Variants in PFKFB3 observed in about 807,000 individuals in gnomAD.
PFKFB3 encodes 6-phosphofructo-2-kinase/fructose-2,6-biphosphatase 3.
Under a neutral mutation model 68.0 loss-of-function variants are expected in PFKFB3, and 33 were observed. That is an observed-to-expected ratio of 0.49 (90% CI 0.37 to 0.65). The LOEUF (loss-of-function observed/expected upper bound fraction) is 0.65, where lower values mean the gene tolerates loss of function less well. Ranked by LOEUF, PFKFB3 falls within the 30% of genes least tolerant of loss-of-function variation. The probability of loss-of-function intolerance (pLI) is 0.00; values close to 1 mark genes in which losing one functional copy is unlikely to be tolerated. For missense variants in PFKFB3, 586 were observed against 712.2 expected (o/e 0.82, Z 2.02); for synonymous variants, 315 against 288.2 (o/e 1.09, Z -0.94).
At chr10:6,237,969 A>G (rs1476100587), downstream of PFKFB3, among the ~76,000 whole-genome samples, 2 of 151,762 alleles carry the variant, frequency 1.3e-5, no homozygotes, top group African/African-American at 4.8e-5. Flanking sequence ...TTTCCAGTCA[A>G]TTCATTGATG....
At chr10:6,197,257 G>A (rs1213749120) in intron 1 of PFKFB3, among the ~76,000 whole-genome samples, 1 of 152,170 alleles carries the variant, frequency 6.6e-6, no homozygotes, top group Non-Finnish European at 1.5e-5. Flanking sequence ...GATTACAGGT[G>A]TGAGCCACAG....
chr10:6,230,250 G>A (rs545545268), intron 14 of PFKFB3, among the ~76,000 whole-genome samples: 2 of 152,198 alleles, frequency 1.3e-5, no homozygotes, highest in East Asian at 1.9e-4. Flanking sequence ...GTCCATCCTG[G>A]GTGCGTGACC....
chr10:6,188,195 A>T (rs775358019), intron 1 of PFKFB3, among the ~76,000 whole-genome samples: 2 of 151,880 alleles, frequency 1.3e-5, no homozygotes, highest in Non-Finnish European at 2.9e-5. Flanking sequence ...TAAGTACTTC[A>T]GGGTGTATTT....
intron 1 of PFKFB3, among the ~76,000 whole-genome samples, chr10:6,153,775 A>G (rs1191585589): frequency 6.6e-6 from 1 of 151,954 alleles, no homozygotes; most frequent in Admixed American, 6.6e-5. Context: ...GAATTGCTTG[A>G]ACCTGGGAGG....
chr10:6,261,143 C>T, the PFKFB3 span, among the ~76,000 whole-genome samples: 7 of 152,312 alleles, frequency 4.6e-5, no homozygotes, highest in South Asian at 2.1e-4. Flanking sequence ...CTATGACAAA[C>T]GAGGTTGTCT....
intron 1 of PFKFB3, among the ~76,000 whole-genome samples, chr10:6,189,259 C>T (rs1361854309): frequency 6.6e-6 from 1 of 152,244 alleles, no homozygotes; most frequent in East Asian, 1.9e-4. Flanking sequence ...AATGATGCTG[C>T]AATGGGCATA....
the PFKFB3 span, among the ~76,000 whole-genome samples, chr10:6,287,013 T>C: frequency 2.0e-5 from 3 of 152,256 alleles, no homozygotes; most frequent in Admixed American, 1.3e-4. Context: ...TATAGTGCAC[T>C]GTATAATGAT....
intron 1 of PFKFB3, among the ~76,000 whole-genome samples, chr10:6,171,243 C>T (rs952753817): frequency 4.6e-5 from 7 of 151,904 alleles, no homozygotes; most frequent in Non-Finnish European, 8.8e-5. Context: ...TTAGTAGAGA[C>T]GGGATTTCTC....
chr10:6,185,639 C>CTTTT lies in PFKFB3; in HGVS notation c.17-27969_17-27966dup, dbSNP rs59230234. On this transcript the variant is annotated intron_variant, in intron 1 of 14. Coordinates refer to the PFKFB3 transcript ENST00000379789. ...CCAGATCAGTACTTCCTCCCCGCTC[C>CTTTT]TTTTTTTTTTTTTTTTTTGAGATGG... 3.3e-3 allele frequency among the ~76,000 whole-genome samples: 394 copies of CTTTT among 120,420 alleles called. 10 individuals are homozygous for CTTTT. Among genetic ancestry groups the CTTTT allele is most frequent in the East Asian group, 6.2e-3 (25 of 4,062 alleles). 79.0% of individuals were successfully genotyped at this position (120,420 alleles called of 152,430 possible). A position where few individuals can be genotyped will look rare whatever the true frequency, so the allele number is the denominator to read the frequency against.
chr10:6,288,768 A>G, the PFKFB3 span, among the ~76,000 whole-genome samples: 1 of 152,172 alleles, frequency 6.6e-6, no homozygotes, highest in Non-Finnish European at 1.5e-5. Context: ...AGATCCTTGC[A>G]GAATCGCCAC....
chr10:6,213,543 G>A (rs1844368543), intron 1 of PFKFB3, 80 bp from the exon 2 acceptor site: 2 of 1,485,520 alleles, frequency 1.3e-6, no homozygotes, highest in South Asian at 2.6e-5. Flanking sequence ...AAATTCTTCA[G>A]TGTTATTGTT....
At chr10:6,152,843 T>C (rs933129992) in intron 1 of PFKFB3, among the ~76,000 whole-genome samples, 3 of 152,042 alleles carry the variant, frequency 2.0e-5, no homozygotes, top group African/African-American at 7.2e-5. Context: ...ATCGTACCGC[T>C]GCACTCCAGC....
At chr10:6,231,680 C>T (rs1845752363) in intron 14 of PFKFB3, 1 of 765,596 alleles carries the variant, frequency 1.3e-6, no homozygotes, top group Non-Finnish European at 1.6e-6. Context: ...CTGGGGCTCT[C>T]CCTAGATATG....
upstream of PFKFB3, among the ~76,000 whole-genome samples, chr10:6,198,087 A>G (rs951440683): frequency 5.3e-5 from 8 of 152,068 alleles, no homozygotes; most frequent in African/African-American, 1.9e-4. Flanking sequence ...TACTAAAGAT[A>G]CAAAAAAAAT....
At chr10:6,251,319 C>G (rs1453032559) in intron 14 of PFKFB3, among the ~76,000 whole-genome samples, 1 of 152,186 alleles carries the variant, frequency 6.6e-6, no homozygotes, top group Non-Finnish European at 1.5e-5. Flanking sequence ...GCCGTCATCT[C>G]CAGGGAATGG....
At chr10:6,161,895 C>A (rs1383639274) in intron 1 of PFKFB3, among the ~76,000 whole-genome samples, 2 of 152,170 alleles carry the variant, frequency 1.3e-5, no homozygotes, top group Non-Finnish European at 2.9e-5. Context: ...GTGGTAAATA[C>A]ACTTATAATT....
chr10:6,220,938 C>T lies in PFKFB3; in HGVS notation c.831+73C>T. ...CAGGGTCTATAGGGTGGGTGGGGAG[C>T]TGTGTGCTGCTGCTGCTGCTGCTGC... On this transcript the variant is annotated intron_variant, in intron 8 of 14. Coordinates refer to ENST00000379775, the MANE Select transcript of PFKFB3 (RefSeq NM_004566.4). This position sits in a 1 kb window ranked among gnomAD's most constrained non-coding sequence, Gnocchi z 4.1. 7.9e-7 allele frequency: 1 copy of T among 1,266,518 alleles called. No individual in the cohort carries two copies. The highest frequency in any genetic ancestry group is 1.1e-6 in the Non-Finnish European group (1 of 895,888). 78.5% of individuals were successfully genotyped at this position (1,266,518 alleles called of 1,614,324 possible).
intron 14 of PFKFB3, among the ~76,000 whole-genome samples, chr10:6,231,946 T>C (rs1845777029): frequency 6.6e-6 from 1 of 152,168 alleles, no homozygotes; most frequent in Admixed American, 6.5e-5. Context: ...GGCCCACGCC[T>C]GGGCGATAGC....
At chr10:6,231,671 T>C in intron 14 of PFKFB3, 1 of 841,720 alleles carries the variant, frequency 1.2e-6, no homozygotes, top group Non-Finnish European at 1.4e-6. Context: ...ACAGCCCGGC[T>C]GGGGCTCTCC....
Sources: allele counts gnomAD v4.1 joint callset (sites outside exome capture counted in the v4.1 genomes callset), GRCh38; gene constraint gnomAD v4.1.1; non-coding constraint Gnocchi (gnomAD v3.1); transcripts MANE v1.5; gene names NCBI Gene and HGNC (gene_info 2026-07-23, HGNC 2026-07-21).